The following HDAC9 variants were observed in gnomAD, a reference collection of about 807,000 sequenced individuals.
HDAC9 encodes histone deacetylase 9.
Under a neutral mutation model 139.4 loss-of-function variants are expected in HDAC9, and 41 were observed. The ratio of observed to expected loss-of-function variants is 0.29; its 90% CI spans 0.23 to 0.38. The LOEUF is 0.38. Ranked by LOEUF, HDAC9 falls within the 10% of genes least tolerant of loss-of-function variation. The probability of loss-of-function intolerance (pLI) is 1.00; values close to 1 mark genes in which losing one functional copy is unlikely to be tolerated. For missense variants in HDAC9, 1,147 were observed against 1,297.0 expected, an observed-to-expected ratio of 0.88 and a Z score of 1.78; for synonymous variants, 517 against 476.2, an observed-to-expected ratio of 1.09 and a Z score of -1.12.
At chr7:18,566,528 A>G (rs1369275302) in intron 2 of HDAC9, among the ~76,000 whole-genome samples, 2 of 152,136 alleles carry the variant, frequency 1.3e-5, no homozygotes, top group Non-Finnish European at 1.5e-5. Flanking sequence ...CATACACACA[A>G]TTTTTAGGTG....
intron 2 of HDAC9, among the ~76,000 whole-genome samples, chr7:18,240,824 A>C (rs35676223): frequency 0.25 from 38,374 of 152,070 alleles, 4,891 homozygotes; most frequent in Middle Eastern, 0.29. Flanking sequence ...TGGTTCTTGC[A>C]TACAGCAAAC....
At chr7:18,782,191 C>T (rs1359103814) in intron 16 of HDAC9, among the ~76,000 whole-genome samples, 4 of 152,026 alleles carry the variant, frequency 2.6e-5, no homozygotes, top group Non-Finnish European at 5.9e-5. Context: ...GTTTCATTTC[C>T]CAACTTTCAG....
intron 13 of HDAC9, among the ~76,000 whole-genome samples, chr7:18,733,080 T>C (rs1786485222): frequency 6.8e-6 from 1 of 146,100 alleles, no homozygotes; most frequent in African/African-American, 2.5e-5. Flanking sequence ...TACACATGTA[T>C]ACACATATAT....
chr7:18,108,767 G>A (rs760512944), intron 1 of HDAC9, among the ~76,000 whole-genome samples: 14 of 151,920 alleles, frequency 9.2e-5, no homozygotes, highest in South Asian at 2.1e-4. Context: ...GATTACAGGC[G>A]CGTGCCACCA....
chr7:18,549,745 GTT>G (rs538089618), intron 2 of HDAC9, among the ~76,000 whole-genome samples: 1 of 142,408 alleles, frequency 7.0e-6, no homozygotes, highest in Non-Finnish European at 1.5e-5. Flanking sequence ...TAAAAAGGTG[GTT>G]TTTTTTTTTT....
intron 12 of HDAC9, among the ~76,000 whole-genome samples, chr7:18,714,185 T>C (rs1486172884): frequency 1.3e-5 from 2 of 152,264 alleles, no homozygotes; most frequent in Non-Finnish European, 2.9e-5. Context: ...GTTTGTTTTT[T>C]TCTGAATCCT....
chr7:18,382,667 C>T (rs1785543384), intron 1 of HDAC9, among the ~76,000 whole-genome samples: 1 of 151,966 alleles, frequency 6.6e-6, no homozygotes, highest in African/African-American at 2.4e-5. Flanking sequence ...TCATTGTCTA[C>T]CTAAAAGTCA....
chr7:18,552,207 T>C (rs2128667008), intron 2 of HDAC9, among the ~76,000 whole-genome samples: 1 of 152,338 alleles, frequency 6.6e-6, no homozygotes, highest in Admixed American at 6.5e-5. Context: ...ATTAGGTTTA[T>C]GTAGGTTTAT....
chr7:18,158,513 C>G (rs1359766117), intron 1 of HDAC9, among the ~76,000 whole-genome samples: 1 of 152,194 alleles, frequency 6.6e-6, no homozygotes, highest in Non-Finnish European at 1.5e-5. Context: ...GAAGAAAGCA[C>G]TGGGCTAAGA....
rs187892206 is a variant in HDAC9 at position 18,391,841 on chromosome 7, G to A, written c.-42+101326G>A. On this transcript the variant is annotated intron_variant, in intron 1 of 3. Coordinates refer to the HDAC9 transcript ENST00000413509. ...TGAGGGCAATAGAAGTTTTTACCAT[G>A]GGGTTATTTACAGGATTCCATGAGT... is the stretch of plus-strand genomic sequence containing the variant. 5.3e-4 allele frequency among the ~76,000 whole-genome samples: 80 copies of A among 152,276 alleles called. 2 individuals carry two copies. In the East Asian group the frequency reaches 0.014, roughly 26 times the overall value.
intron 22 of HDAC9, among the ~76,000 whole-genome samples, chr7:18,928,048 C>T (rs911690446): frequency 4.6e-5 from 7 of 152,260 alleles, no homozygotes; most frequent in Non-Finnish European, 8.8e-5. Flanking sequence ...ATTAACCAAA[C>T]GAATCATGAT....
At chr7:18,252,568 T>C (rs547025523) in intron 2 of HDAC9, among the ~76,000 whole-genome samples, 79 of 152,242 alleles carry the variant, frequency 5.2e-4, no homozygotes, top group Non-Finnish European at 9.7e-4. Context: ...GAAGGTAAGA[T>C]TTTTGGAGTT....
At chr7:18,763,330 G>A (rs1003886882) in intron 15 of HDAC9, among the ~76,000 whole-genome samples, 2 of 152,190 alleles carry the variant, frequency 1.3e-5, no homozygotes, top group African/African-American at 4.8e-5. Context: ...AATTTATGAA[G>A]TGCAGGCATA....
At chr7:18,821,572 C>T (rs892392462) in intron 17 of HDAC9, among the ~76,000 whole-genome samples, 2 of 152,172 alleles carry the variant, frequency 1.3e-5, no homozygotes, top group African/African-American at 4.8e-5. Context: ...AACTGTTTTT[C>T]TGTATATTCA....
chr7:18,828,579 A>G (rs1795626661), intron 17 of HDAC9, among the ~76,000 whole-genome samples: 1 of 152,204 alleles, frequency 6.6e-6, no homozygotes, highest in South Asian at 2.1e-4. Context: ...CTTGGCGGTC[A>G]TCCAAGCTAA....
At chr7:18,578,012 C>A (rs1406982489) in intron 2 of HDAC9, among the ~76,000 whole-genome samples, 1 of 152,188 alleles carries the variant, frequency 6.6e-6, no homozygotes, top group East Asian at 1.9e-4. Context: ...CCCACTTCTG[C>A]CTCCACCTCC....
intron 2 of HDAC9, among the ~76,000 whole-genome samples, chr7:18,178,299 T>C (rs1789111179): frequency 6.6e-6 from 1 of 152,190 alleles, no homozygotes; most frequent in South Asian, 2.1e-4. Context: ...TGGCCAGACT[T>C]GTCTCGAACT....
At chr7:18,669,452 C>T (rs2129082589) in intron 12 of HDAC9, among the ~76,000 whole-genome samples, 1 of 151,874 alleles carries the variant, frequency 6.6e-6, no homozygotes, top group South Asian at 2.1e-4. Flanking sequence ...AAAGGCAACT[C>T]TGCCGTATTC....
At chr7:18,799,582 C>A (rs969237766) in intron 17 of HDAC9, among the ~76,000 whole-genome samples, 1 of 152,112 alleles carries the variant, frequency 6.6e-6, no homozygotes, top group African/African-American at 2.4e-5. Context: ...AAGACACAGA[C>A]ATTGTTAAAA....
Sources: gnomAD v4.1 joint callset for allele counts (sites outside exome capture counted in the v4.1 genomes callset) on GRCh38, gnomAD v4.1.1 for gene constraint, MANE v1.5 for transcripts, NCBI Gene and HGNC (gene_info 2026-07-23, HGNC 2026-07-21) for gene names.